NAV3: variants seen among roughly 807,000 people sequenced by gnomAD.
The protein encoded by NAV3 is pore membrane and/or filament interacting like protein 1.
Under a neutral mutation model 244.7 loss-of-function variants are expected in NAV3, and 87 were observed. That is an observed-to-expected ratio of 0.36 (90% CI 0.30 to 0.42). NAV3 has a LOEUF of 0.42. Among genes scored for constraint, NAV3 ranks in the 20% least tolerant of loss-of-function variants. The pLI is 1.00. For missense variants in NAV3, 2,663 were observed against 2,893.3 expected (o/e 0.92, Z 1.83); for synonymous variants, 1,126 against 1,042.2 (o/e 1.08, Z -1.55).
intron 11 of NAV3, chr12:78,052,074 T>G (rs1243014312): frequency 6.6e-6 from 1 of 152,202 alleles, no homozygotes; most frequent in East Asian, 1.9e-4. Flanking sequence ...CAATTAACTT[T>G]GTCTATAAAC....
intron 2 of NAV3, among the ~76,000 whole-genome samples, chr12:77,738,112 C>T (rs565888781): frequency 1.3e-5 from 2 of 152,274 alleles, no homozygotes; most frequent in South Asian, 4.1e-4. Flanking sequence ...TAGTGAATCA[C>T]TTACTATATG....
chr12:78,157,411 A>C (rs1483757795), intron 22 of NAV3, among the ~76,000 whole-genome samples: 2 of 150,402 alleles, frequency 1.3e-5, no homozygotes, highest in Non-Finnish European at 3.0e-5. Flanking sequence ...AAAAAAAAAA[A>C]GTAGCTGGGC....
At chr12:78,036,543 GT>G in intron 9 of NAV3, 1 of 215,990 alleles carries the variant, frequency 4.6e-6, no homozygotes. Context: ...GCTGAGACAT[GT>G]GATTGGATGA....
In NAV3 at chr12:77,928,679, A is replaced by T. The variant is rs200393735; in HGVS notation, c.244-11640A>T. On this transcript the variant is annotated intron_variant, in intron 1 of 39. Transcript: ENST00000397909. ...TGCATGTAAAGAAAAATCAGAACATACTGTAGTTAGCATAGTAAATCCTAC... is the reference window on the plus strand; with the variant it reads ...TGCATGTAAAGAAAAATCAGAACATTCTGTAGTTAGCATAGTAAATCCTAC... Among the ~76,000 whole-genome samples the T allele has an allele frequency of 2.0e-5, 3 of 152,184 alleles. No homozygotes were observed. The East Asian group carries it at 5.8e-4, about 29-fold the overall frequency.
intron 31 of NAV3, among the ~76,000 whole-genome samples, chr12:78,187,457 C>T (rs536255965): frequency 2.6e-5 from 4 of 151,944 alleles, no homozygotes; most frequent in East Asian, 1.9e-4. Context: ...ATCACTATTT[C>T]GTTAACCATT....
Position 78,194,404 on chromosome 12 carries a change from A to G in NAV3, c.6292-2843A>G, listed in dbSNP as rs1014178090. 5.3e-5 allele frequency among the ~76,000 whole-genome samples: 8 copies of G among 151,970 alleles called. No individual in the cohort carries two copies. The South Asian group carries it at 1.5e-3, about 28-fold the overall frequency. The stretch of plus-strand genomic sequence containing the variant: ...TTCTCTCTTTTTTTGGGATATATTC[A>G]TTCACCTCATGGAACATAGAATATC... On this transcript the variant is annotated intron_variant, in intron 34 of 39. Transcript: ENST00000397909.
chr12:77,637,216 A>C (rs1872197704), intron 2 of NAV3, among the ~76,000 whole-genome samples: 1 of 152,186 alleles, frequency 6.6e-6, no homozygotes, highest in African/African-American at 2.4e-5. Context: ...GACAAAAAAA[A>C]AATGACCATA....
chr12:77,749,233 T>A (rs1868714376), intron 2 of NAV3, among the ~76,000 whole-genome samples: 1 of 152,022 alleles, frequency 6.6e-6, no homozygotes, highest in Non-Finnish European at 1.5e-5. Flanking sequence ...GAGAACAGAG[T>A]CCAATGAACA....
chr12:77,849,116 A>G (rs1348075729), intron 1 of NAV3, among the ~76,000 whole-genome samples: 3 of 152,180 alleles, frequency 2.0e-5, no homozygotes, highest in African/African-American at 4.8e-5. Context: ...CCCCCAATGT[A>G]ATTAAAATTA....
chr12:77,755,164 T>C (rs1413540007), intron 2 of NAV3, among the ~76,000 whole-genome samples: 1 of 152,200 alleles, frequency 6.6e-6, no homozygotes, highest in Non-Finnish European at 1.5e-5. Context: ...TTTTCATTTG[T>C]TCCTGAAACC....
intron 2 of NAV3, among the ~76,000 whole-genome samples, chr12:77,608,943 T>G (rs1870790030): frequency 6.6e-6 from 1 of 152,100 alleles, no homozygotes; most frequent in South Asian, 2.1e-4. Flanking sequence ...CCAGATCACA[T>G]TCTGTGATTT....
At chr12:77,695,183 T>C (rs1875237955) in intron 2 of NAV3, among the ~76,000 whole-genome samples, 1 of 152,226 alleles carries the variant, frequency 6.6e-6, no homozygotes, top group Non-Finnish European at 1.5e-5. Flanking sequence ...CATTTTTCTT[T>C]GGTTGCCTGT....
At chr12:77,587,967 C>T (rs1869693149) in intron 2 of NAV3, among the ~76,000 whole-genome samples, 1 of 152,128 alleles carries the variant, frequency 6.6e-6, no homozygotes, top group Non-Finnish European at 1.5e-5. Context: ...GTTTCCAGTC[C>T]ATCAAGTAGG....
chr12:78,007,215 G>A lies in NAV3; in HGVS notation c.1677G>A (p.Gly559=), dbSNP rs2136592092. ...CTGAGAAATTCAGGACTACCAAGGG[G>A]AGCCCTTCCCAGTCCTTATCTAAGC... is the stretch of plus-strand genomic sequence containing the variant. The part of the protein sequence containing the change: ...KESEKFRTTK[G]SPSQSLSKPI... Residue 559 remains glycine, a synonymous_variant, in exon 8 of 40, where the codon GGG becomes GGA. Coordinates refer to ENST00000397909, the MANE Select transcript of NAV3 (RefSeq NM_001024383.2). The A allele has an allele frequency of 1.9e-6, 3 of 1,614,128 alleles. No individual in the cohort carries two copies. The highest frequency in any genetic ancestry group is 2.5e-6 in the Non-Finnish European group (3 of 1,180,010).
chr12:77,695,955 A>G (rs1875276018), intron 2 of NAV3, among the ~76,000 whole-genome samples: 6 of 152,148 alleles, frequency 3.9e-5, no homozygotes. Flanking sequence ...ATAATTTGTC[A>G]TGTCCTTGGT....
At chr12:77,833,711 G>GA (rs1400041665) in intron 1 of NAV3, among the ~76,000 whole-genome samples, 1 of 152,184 alleles carries the variant, frequency 6.6e-6, no homozygotes, top group African/African-American at 2.4e-5. Flanking sequence ...CTTGGTTCCG[G>GA]AAAAATCGAG....
At chr12:77,689,328 C>G (rs759455603) in intron 2 of NAV3, among the ~76,000 whole-genome samples, 7 of 151,856 alleles carry the variant, frequency 4.6e-5, no homozygotes, top group Non-Finnish European at 1.0e-4. Flanking sequence ...TGAGCTCATC[C>G]AAGATTCCAT....
intron 1 of NAV3, among the ~76,000 whole-genome samples, chr12:77,867,870 C>G (rs1225956067): frequency 1.3e-5 from 2 of 152,202 alleles, no homozygotes; most frequent in Non-Finnish European, 2.9e-5. Context: ...ACCTGCAGTT[C>G]TGGACTGCAC....
At chr12:77,924,513 C>T (rs1409893574) in intron 1 of NAV3, among the ~76,000 whole-genome samples, 2 of 152,042 alleles carry the variant, frequency 1.3e-5, no homozygotes, top group African/African-American at 4.8e-5. Flanking sequence ...GACTTCCAGG[C>T]ATGAGGCAGC....
Sources: allele counts gnomAD v4.1 joint callset (sites outside exome capture counted in the v4.1 genomes callset), GRCh38; gene constraint gnomAD v4.1.1; transcripts MANE v1.5; gene names NCBI Gene and HGNC (gene_info 2026-07-23, HGNC 2026-07-21).